The following CAAP1 variants were observed in gnomAD, a reference collection of about 807,000 sequenced individuals.
CAAP1 encodes the protein conserved anti-apoptotic protein.
Under a neutral mutation model 34.0 loss-of-function variants are expected in CAAP1, and 20 were observed. The ratio of observed to expected loss-of-function variants is 0.59; its 90% confidence interval spans 0.41 to 0.86. The LOEUF (loss-of-function observed/expected upper bound fraction) is 0.86, where lower values mean the gene tolerates loss of function less well. Ranked by LOEUF, CAAP1 falls within the 40% of genes least tolerant of loss-of-function variation. The probability of loss-of-function intolerance (pLI) is 0.00; values close to 1 mark genes in which losing one functional copy is unlikely to be tolerated. For missense variants in CAAP1, 538 were observed against 450.5 expected, an observed-to-expected ratio of 1.19 and a Z score of -1.76; for synonymous variants, 213 against 166.7, an observed-to-expected ratio of 1.28 and a Z score of -2.14.
chr9:26,847,643 G>C (rs1822648990), intron 5 of CAAP1, among the ~76,000 whole-genome samples: 1 of 151,742 alleles, frequency 6.6e-6, no homozygotes, highest in South Asian at 2.1e-4. Context: ...CTTTGCCCAT[G>C]TTTTTGTTTC....
chr9:26,867,473 C>G (rs1253516754), intron 4 of CAAP1, among the ~76,000 whole-genome samples: 1 of 152,088 alleles, frequency 6.6e-6, no homozygotes, highest in Non-Finnish European at 1.5e-5. Flanking sequence ...TCTGTAGTCC[C>G]TTTTGCTATA....
At chr9:26,869,555 TTC>T (rs1191704114) in intron 4 of CAAP1, among the ~76,000 whole-genome samples, 7 of 152,188 alleles carry the variant, frequency 4.6e-5, no homozygotes, top group African/African-American at 1.4e-4. Context: ...CCTCCAGATA[TTC>T]TGTTTCCCTA....
chr9:26,854,040 G>A (rs1822813088), intron 5 of CAAP1, among the ~76,000 whole-genome samples: 1 of 152,122 alleles, frequency 6.6e-6, no homozygotes, highest in African/African-American at 2.4e-5. Context: ...AAACCAATGA[G>A]TACAAGTTAC....
In CAAP1 at chr9:26,887,254, T is replaced by C. The variant is rs540879581; in HGVS notation, c.504+59A>G. ...AAACCGCATTAAGTAAAACAAAAAA[T>C]TGCTACAAAGAAGGCTGTATTTCTA... On this transcript the variant is annotated intron_variant, in intron 2 of 5. Transcript: ENST00000333916. 584 of 1,121,382 alleles carry C rather than the reference T, an allele frequency of 5.2e-4. 2 individuals carry two copies. Among genetic ancestry groups the C allele is most frequent in the Middle Eastern group, 1.9e-3 (7 of 3,652 alleles). 69.5% of individuals were successfully genotyped at this position (1,121,382 alleles called of 1,614,324 possible). A position where few individuals can be genotyped will look rare whatever the true frequency, so the allele number is the denominator to read the frequency against.
intron 4 of CAAP1, among the ~76,000 whole-genome samples, chr9:26,867,172 A>G (rs1823160235): frequency 6.6e-6 from 1 of 152,154 alleles, no homozygotes; most frequent in African/African-American, 2.4e-5. Context: ...CCTGATGGAA[A>G]AATCTTCTTC....
chr9:26,859,509 G>C (rs111941796), intron 5 of CAAP1, among the ~76,000 whole-genome samples: 6,509 of 152,192 alleles, frequency 0.043, 480 homozygotes, highest in African/African-American at 0.15. Context: ...CTCAGATGAT[G>C]TAATAGCATA....
At chr9:26,853,606 T>A (rs952881260) in intron 5 of CAAP1, among the ~76,000 whole-genome samples, 1 of 152,188 alleles carries the variant, frequency 6.6e-6, no homozygotes, top group Non-Finnish European at 1.5e-5. Context: ...TGCTGTCAAA[T>A]GCCGCTGATG....
At chr9:26,856,963 A>G (rs1177497381) in intron 5 of CAAP1, among the ~76,000 whole-genome samples, 2 of 152,244 alleles carry the variant, frequency 1.3e-5, no homozygotes, top group African/African-American at 4.8e-5. Flanking sequence ...CTCCAACTGT[A>G]AACTTTAAAG....
At chr9:26,877,598 T>C (rs1421067088) in intron 4 of CAAP1, among the ~76,000 whole-genome samples, 1 of 152,212 alleles carries the variant, frequency 6.6e-6, no homozygotes, top group Non-Finnish European at 1.5e-5. Flanking sequence ...ATGAACATGT[T>C]ACTCCATTAT....
chr9:26,878,564 A>T (rs1823503472), intron 4 of CAAP1, among the ~76,000 whole-genome samples: 1 of 152,224 alleles, frequency 6.6e-6, no homozygotes, highest in African/African-American at 2.4e-5. Context: ...GAAAGAAACC[A>T]GGCATATTCA....
chr9:26,863,959 T>C (rs931158333), intron 4 of CAAP1, among the ~76,000 whole-genome samples: 3 of 151,992 alleles, frequency 2.0e-5, no homozygotes, highest in South Asian at 2.1e-4. Flanking sequence ...GCCCGGCTAA[T>C]TTTTTTAAGT....
rs973982646 is a variant in CAAP1 at position 26,892,639 on chromosome 9, G to T, written c.77C>A (p.Pro26Gln). ...GCTGGCCAACGCGGGTACGATGTCC[G>T]GGGCCGCGAGCGCTGCGGCCGCCTC... ...SQEAAAALAA[P>Q]DIVPALASGS... The change falls in exon 1 of 6, where the codon CCG becomes CAG. Residue 26 changes from proline to glutamine, a missense_variant. Pro to Gln is a moderately conservative substitution (Grantham distance 76, BLOSUM62 -1). Coordinates refer to ENST00000333916, the MANE Select transcript of CAAP1 (RefSeq NM_024828.4). 1 of 1,608,388 alleles carries T rather than the reference G, an allele frequency of 6.2e-7. No individual in the cohort carries two copies. Among genetic ancestry groups the T allele is most frequent in the Non-Finnish European group, 8.5e-7 (1 of 1,179,298 alleles).
rs540290849 is a variant in CAAP1, at chr9:26,889,313, G to T, written c.304-1800C>A. On this transcript the variant is annotated intron_variant, in intron 1 of 5. Coordinates refer to ENST00000333916, the MANE Select transcript of CAAP1 (RefSeq NM_024828.4). ...GGTGCCTGTAATCCCAACTACTCGGGAGGCTGAGGCAGAAGAATTGCTTGA... is the reference window on the plus strand; with the variant it reads ...GGTGCCTGTAATCCCAACTACTCGGTAGGCTGAGGCAGAAGAATTGCTTGA... Among the ~76,000 whole-genome samples the T allele has an allele frequency of 1.5e-3, 223 of 152,264 alleles. 1 individual carries two copies. The highest frequency in any genetic ancestry group is 0.014 in the Middle Eastern group (4 of 294).
rs932619194 is a variant in CAAP1, at chr9:26,863,210, CTATTT to C, written c.666-2076_666-2072del. 4.6e-4 allele frequency among the ~76,000 whole-genome samples: 70 copies of C among 152,094 alleles called. 2 individuals carry two copies. The highest frequency in any genetic ancestry group is 1.6e-3 in the African/African-American group (65 of 41,420). ...GCCCAAAGTGAACTTCTACAACATT[CTATTT>C]TAAGTTGGGTTCTATTAGGCTGTTG... On this transcript the variant is annotated intron_variant, in intron 4 of 5. Coordinates refer to ENST00000333916, the MANE Select transcript of CAAP1 (RefSeq NM_024828.4).
At chr9:26,842,722 A>T (rs551804162) in intron 5 of CAAP1, 75 bp from the exon 6 acceptor site, 1 of 1,275,166 alleles carries the variant, frequency 7.8e-7, no homozygotes, top group South Asian at 1.5e-5. Flanking sequence ...TTTATAATTT[A>T]AAAACTGCTT....
chr9:26,865,496 C>A (rs1241166833), intron 4 of CAAP1, among the ~76,000 whole-genome samples: 1 of 151,602 alleles, frequency 6.6e-6, no homozygotes, highest in Non-Finnish European at 1.5e-5. Context: ...TGCACTCCAG[C>A]CTGGGCAACA....
At chr9:26,861,174 A>G (rs368505141) in intron 4 of CAAP1, 35 bp from the exon 5 acceptor site, 2 of 1,444,226 alleles carry the variant, frequency 1.4e-6, no homozygotes, top group African/African-American at 1.4e-5. Context: ...CTTTAAAACT[A>G]TATTTAATCA....
intron 5 of CAAP1, among the ~76,000 whole-genome samples, chr9:26,846,654 T>C (rs1047167992): frequency 2.6e-4 from 40 of 152,050 alleles, no homozygotes; most frequent in Non-Finnish European, 3.1e-4. Context: ...GTTGAAGAAA[T>C]ACATGTTCAC....
chr9:26,865,999 A>G (rs1181670162), intron 4 of CAAP1, among the ~76,000 whole-genome samples: 3 of 151,996 alleles, frequency 2.0e-5, no homozygotes, highest in Non-Finnish European at 4.4e-5. Flanking sequence ...GACACATACC[A>G]CTATACCCGG....
Sources: gnomAD v4.1 joint callset for allele counts (sites outside exome capture counted in the v4.1 genomes callset) on GRCh38, gnomAD v4.1.1 for gene constraint, MANE v1.5 for transcripts, NCBI Gene and HGNC (gene_info 2026-07-23, HGNC 2026-07-21) for gene names.